Variants in IL6 observed in about 807,000 individuals in gnomAD.
IL6 encodes the protein interleukin-6.
In IL6, 5 loss-of-function variants were observed where a neutral mutation model predicts 18.0. That is an observed-to-expected ratio of 0.28 (90% CI 0.15 to 0.58). The LOEUF (loss-of-function observed/expected upper bound fraction) is 0.58, where lower values mean the gene tolerates loss of function less well. IL6 is among the 20% of genes least tolerant of loss of function. The pLI is 0.90. For missense variants in IL6, 266 were observed against 251.0 expected, an observed-to-expected ratio of 1.06 and a Z score of -0.40; for synonymous variants, 97 against 95.1, an observed-to-expected ratio of 1.02 and a Z score of -0.12.
rs371302236 is a variant in IL6, at chr7:22,729,559, G to A, written c.370G>A (p.Val124Ile). 4 of 1,614,008 alleles carry A rather than the reference G, an allele frequency of 2.5e-6. No individual in the cohort carries two copies. The African/African-American group carries it at 4.0e-5, about 16-fold the overall frequency. ...CATCACTGGTCTTTTGGAGTTTGAG[G>A]TATACCTAGAGTACCTCCAGAACAG... is the stretch of plus-strand genomic sequence containing the variant. ...KIITGLLEFEVYLEYLQNRFE... is the reference protein window; with the variant it reads ...KIITGLLEFEIYLEYLQNRFE... The change falls in exon 4 of 5, where the codon GTA becomes ATA. Residue 124 changes from valine to isoleucine, a missense_variant. Coordinates refer to ENST00000258743, the MANE Select transcript of IL6 (RefSeq NM_000600.5).
chr7:22,731,425 T>A lies in IL6; in HGVS notation c.491T>A (p.Ile164Lys). 6.3e-7 allele frequency: 1 copy of A among 1,575,544 alleles called. No individual in the cohort carries two copies. The highest frequency in any genetic ancestry group is 1.1e-5 in the South Asian group (1 of 87,180). The change falls in exon 5 of 5, where the codon ATA (isoleucine) becomes AAA (lysine). Residue 164 changes from isoleucine to lysine, a missense_variant. Transcript: ENST00000258743. ...LQKKAKNLDA[I>K]TTPDPTTNAS... ...CTTCAGGCAAAGAATCTAGATGCAA[T>A]AACCACCCCTGACCCAACCACAAAT...
rs1258447874 is a variant in IL6 at position 22,728,766 on chromosome 7, T to C, written c.284T>C (p.Met95Thr). The C allele has an allele frequency of 1.9e-6, 3 of 1,613,156 alleles. No homozygotes were observed. The highest frequency in any genetic ancestry group is 1.1e-5 in the South Asian group (1 of 91,074). The change falls in exon 3 of 5, where the codon ATG becomes ACG. Residue 95 changes from methionine (M) to threonine (T), a missense_variant. By Grantham distance (81) the Met-to-Thr change is moderately conservative (BLOSUM62 -1). Coordinates refer to ENST00000258743, the MANE Select transcript of IL6 (RefSeq NM_000600.5). ...GAAAACAACCTGAACCTTCCAAAGA[T>C]GGCTGAAAAAGATGGATGCTTCCAA... ...LAENNLNLPK[M>T]AEKDGCFQSG...
rs375470014 is a variant in IL6, at chr7:22,728,740, A to C, written c.258A>C (p.Ala86=). 16 of 1,613,578 alleles carry C rather than the reference A, an allele frequency of 9.9e-6. No homozygotes were observed. The highest frequency in any genetic ancestry group is 1.7e-5 in the Admixed American group (1 of 60,012). Residue 86 remains alanine, a synonymous_variant, in exon 3 of 5, where the codon GCA becomes GCC. Transcript: ENST00000258743. ...GTGAAAGCAGCAAAGAGGCACTGGCAGAAAACAACCTGAACCTTCCAAAGA... is the reference window on the plus strand; with the variant it reads ...GTGAAAGCAGCAAAGAGGCACTGGCCGAAAACAACCTGAACCTTCCAAAGA... ...NMCESSKEAL[A]ENNLNLPKMA...
At chr7:22,728,461 A>G in intron 2 of IL6, 1 of 494,770 alleles carries the variant, frequency 2.0e-6, no homozygotes, top group Non-Finnish European at 3.6e-6. Flanking sequence ...GTTTTTGGAG[A>G]TAAGGAAACT....
chr7:22,728,851 CT>C, intron 3 of IL6, 45 bp downstream of exon 3: 1 of 1,095,810 alleles, frequency 9.1e-7, no homozygotes, highest in East Asian at 2.4e-5. Context: ...TTAGGCAAAA[CT>C]TCTCCCTCTT....
intron 2 of IL6, chr7:22,728,378 T>C (rs1457314666): frequency 7.0e-6 from 2 of 285,040 alleles, no homozygotes; most frequent in Non-Finnish European, 1.3e-5. Flanking sequence ...ATTGCTGTTA[T>C]TAAGTATCTA....
At chr7:22,730,822 G>A (rs1784111458) in intron 4 of IL6, among the ~76,000 whole-genome samples, 1 of 152,014 alleles carries the variant, frequency 6.6e-6, no homozygotes, top group Admixed American at 6.6e-5. Flanking sequence ...AGACCAGCCT[G>A]GATAACATAG....
chr7:22,728,895 C>A, intron 3 of IL6, 89 bp downstream of exon 3: 1 of 753,840 alleles, frequency 1.3e-6, no homozygotes, highest in Admixed American at 2.1e-5. Flanking sequence ...TAGATCCAGG[C>A]AGCAACAAAA....
In IL6 at chr7:22,727,401, T is replaced by A. The variant is rs376047818; in HGVS notation, c.20-43T>A. 1.7e-5 allele frequency: 28 copies of A among 1,613,374 alleles called. No individual in the cohort carries two copies. In the African/African-American group the frequency reaches 3.2e-4, roughly 18 times the overall value. On this transcript the variant is annotated intron_variant, in intron 1 of 4. Coordinates refer to ENST00000258743, the MANE Select transcript of IL6 (RefSeq NM_000600.5). ...CCAGCAGCAGAGGCAGGCTCCCAGC[T>A]GTGCTGTCAGCTCACCCCTGCGCTC... is the stretch of plus-strand genomic sequence containing the variant.
At chr7:22,728,857 C>T in intron 3 of IL6, 51 bp downstream of exon 3, 1 of 1,017,396 alleles carries the variant, frequency 9.8e-7, no homozygotes, top group Non-Finnish European at 1.6e-6. Flanking sequence ...AAAACTTCTC[C>T]CTCTTGCATG....
rs200477775 is a variant in IL6 at position 22,731,411 on chromosome 7, G to T, written c.477G>T (p.Lys159Asn). The T allele has an allele frequency of 6.4e-7, 1 of 1,565,396 alleles. No homozygotes were observed. The highest frequency in any genetic ancestry group is 1.2e-5 in the South Asian group (1 of 86,604). ...VLIQFLQKKAKNLDAITTPDP... is the reference protein window; with the variant it reads ...VLIQFLQKKANNLDAITTPDP... ...TTACTTTCATTTTCCTTCAGGCAAA[G>T]AATCTAGATGCAATAACCACCCCTG... Residue 159 changes from lysine (K) to asparagine (N), a missense_variant, in exon 5 of 5, where the codon AAG becomes AAT. Lys to Asn is a moderately conservative substitution (Grantham distance 94). Transcript: ENST00000258743.
At position 22,731,493 on chromosome 7, in the gene IL6, C is replaced by A; in HGVS notation, c.559C>A (p.Gln187Lys). 1 of 1,609,396 alleles carries A rather than the reference C, an allele frequency of 6.2e-7. No individual in the cohort carries two copies. The highest frequency in any genetic ancestry group is 8.5e-7 in the Non-Finnish European group (1 of 1,176,586). Residue 187 changes from glutamine (Q) to lysine (K), a missense_variant, in exon 5 of 5, where the codon CAG becomes AAG. Physicochemically the swap from Gln to Lys is moderately conservative, Grantham distance 53. Coordinates refer to ENST00000258743, the MANE Select transcript of IL6 (RefSeq NM_000600.5). ...GCTGCAGGCACAGAACCAGTGGCTG[C>A]AGGACATGACAACTCATCTCATTCT... ...TKLQAQNQWLQDMTTHLILRS... is the reference protein window; with the variant it reads ...TKLQAQNQWLKDMTTHLILRS...
At position 22,728,711 on chromosome 7, in the gene IL6, A is replaced by G. The variant is rs201121373; in HGVS notation, c.229A>G (p.Met77Val). 2 of 1,606,448 alleles carry G rather than the reference A, an allele frequency of 1.2e-6. No homozygotes were observed. The highest frequency in any genetic ancestry group is 1.1e-5 in the South Asian group (1 of 90,970). Reference protein sequence around the residue: ...LRKETCNKSNMCESSKEALAE... With the variant: ...LRKETCNKSNVCESSKEALAE... ...TTCCCAGACATGTAACAAGAGTAAC[A>G]TGTGTGAAAGCAGCAAAGAGGCACT... is the stretch of plus-strand genomic sequence containing the variant. The change falls in exon 3 of 5, where the codon ATG becomes GTG. Residue 77 changes from methionine (M) to valine (V), a missense_variant. Met to Val is a conservative substitution (Grantham distance 21). Coordinates refer to ENST00000258743, the MANE Select transcript of IL6 (RefSeq NM_000600.5).
At chr7:22,730,108 G>C (rs1480661988) in intron 4 of IL6, 1 of 985,270 alleles carries the variant, frequency 1.0e-6, no homozygotes, top group African/African-American at 1.7e-5. Flanking sequence ...CAGAGAGTTA[G>C]TTCAGAGAAA....
At chr7:22,731,371 T>C (rs1784120935) in intron 4 of IL6, 35 bp from the exon 5 acceptor site, 1 of 1,507,050 alleles carries the variant, frequency 6.6e-7, no homozygotes, top group South Asian at 1.3e-5. Context: ...TTATTCAACA[T>C]TTAAACAATC....
chr7:22,731,218 C>A (rs879415414), intron 4 of IL6, among the ~76,000 whole-genome samples, 188 bp from the exon 5 acceptor site: 3 of 151,354 alleles, frequency 2.0e-5, no homozygotes, highest in Non-Finnish European at 4.4e-5. Flanking sequence ...CAGAACGAGA[C>A]CTTGACTCAA....
intron 4 of IL6, 183 bp downstream of exon 4, chr7:22,729,843 T>C: frequency 6.7e-7 from 1 of 1,501,766 alleles, no homozygotes; most frequent in Non-Finnish European, 8.9e-7. Flanking sequence ...GTTGGTTGGC[T>C]CTCTTCTGCA....
chr7:22,729,971 A>G (rs1207212656), intron 4 of IL6: 1 of 985,282 alleles, frequency 1.0e-6, no homozygotes, highest in Non-Finnish European at 1.2e-6. Context: ...AAAAAAGTGC[A>G]TCCAACTCCA....
At chr7:22,730,526 C>G (rs2128174853) in intron 4 of IL6, among the ~76,000 whole-genome samples, 1 of 152,204 alleles carries the variant, frequency 6.6e-6, no homozygotes, top group Non-Finnish European at 1.5e-5. Flanking sequence ...CTCTTTACAC[C>G]ACCGGATCAG....
Sources: allele counts gnomAD v4.1 joint callset (sites outside exome capture counted in the v4.1 genomes callset), GRCh38; gene constraint gnomAD v4.1.1; transcripts MANE v1.5; gene names NCBI Gene and HGNC (gene_info 2026-07-23, HGNC 2026-07-21).